Variants in DENND1A observed in about 807,000 individuals in gnomAD.
The protein encoded by DENND1A is DENN domain containing 1A.
A neutral mutation model predicts 113.7 loss-of-function variants in DENND1A; 51 were observed. That is an observed-to-expected ratio of 0.45 (90% CI 0.36 to 0.57). The LOEUF (loss-of-function observed/expected upper bound fraction) is 0.57, where lower values mean the gene tolerates loss of function less well. Ranked by LOEUF, DENND1A falls within the 20% of genes least tolerant of loss-of-function variation. DENND1A has a pLI of 0.00. For synonymous variants in DENND1A, 565 were observed against 570.8 expected (o/e 0.99, Z 0.14); for missense variants, 1,258 against 1,395.9 (o/e 0.90, Z 1.57).
At chr9:123,780,807 C>T (rs1468776275) in intron 3 of DENND1A, among the ~76,000 whole-genome samples, 1 of 151,878 alleles carries the variant, frequency 6.6e-6, no homozygotes, top group South Asian at 2.1e-4. Flanking sequence ...TTTCTTGGGG[C>T]GGCTGTGGGT....
intron 4 of DENND1A, among the ~76,000 whole-genome samples, chr9:123,761,770 T>G (rs1228443519): frequency 1.3e-5 from 2 of 152,148 alleles, no homozygotes; most frequent in Admixed American, 1.3e-4. Flanking sequence ...GAGGTTAACT[T>G]AAAAGGGTTC....
chr9:123,531,576 C>T (rs970718996), intron 13 of DENND1A, among the ~76,000 whole-genome samples: 19 of 145,714 alleles, frequency 1.3e-4, no homozygotes, highest in Non-Finnish European at 2.8e-4. Context: ...CACACACACA[C>T]ACACACACAC....
chr9:123,714,708 C>G (rs554066421), intron 5 of DENND1A, among the ~76,000 whole-genome samples: 2 of 152,278 alleles, frequency 1.3e-5, no homozygotes, highest in African/African-American at 2.4e-5. Context: ...CATACATTCA[C>G]GTGCCTTTAA....
At chr9:123,923,647 C>T (rs1040107673) in intron 1 of DENND1A, among the ~76,000 whole-genome samples, 6 of 152,192 alleles carry the variant, frequency 3.9e-5, no homozygotes, top group Admixed American at 1.3e-4. Context: ...GAAATGAGAT[C>T]GGTTTATCCT....
intron 9 of DENND1A, among the ~76,000 whole-genome samples, chr9:123,641,976 T>C (rs2062053183): frequency 6.6e-6 from 1 of 152,206 alleles, no homozygotes; most frequent in South Asian, 2.1e-4. Context: ...ATCTGAATCC[T>C]GTGCCTCATC....
intron 2 of DENND1A, among the ~76,000 whole-genome samples, chr9:123,804,805 C>A (rs1484031513): frequency 3.3e-5 from 5 of 152,220 alleles, no homozygotes; most frequent in Non-Finnish European, 1.5e-5. Flanking sequence ...AAGCCACCAT[C>A]ATTTTCCACC....
At chr9:123,546,312 G>A (rs928601854) in intron 13 of DENND1A, among the ~76,000 whole-genome samples, 1 of 152,108 alleles carries the variant, frequency 6.6e-6, no homozygotes, top group Admixed American at 6.5e-5. Context: ...ACTTTGGGAG[G>A]CCAAGGTGGG....
At chr9:123,770,942 T>C (rs972581372) in intron 3 of DENND1A, among the ~76,000 whole-genome samples, 2 of 152,236 alleles carry the variant, frequency 1.3e-5, no homozygotes, top group Non-Finnish European at 2.9e-5. Context: ...ATTGACTTGC[T>C]CTGCCAGAGC....
intron 10 of DENND1A, among the ~76,000 whole-genome samples, chr9:123,614,850 CA>C (rs2060574634): frequency 1.3e-5 from 2 of 152,350 alleles, no homozygotes; most frequent in East Asian, 1.9e-4. Flanking sequence ...GGGGATCCCA[CA>C]GTCAGAAAGA....
At chr9:123,421,144 G>C (rs1353571754) in intron 19 of DENND1A, among the ~76,000 whole-genome samples, 1 of 149,066 alleles carries the variant, frequency 6.7e-6, no homozygotes, top group Non-Finnish European at 1.5e-5. Context: ...AGGTTAGAGG[G>C]GCTTCCAGAT....
chr9:123,407,118 A>C (rs1394276537), intron 20 of DENND1A, among the ~76,000 whole-genome samples: 1 of 126,840 alleles, frequency 7.9e-6, no homozygotes, highest in Non-Finnish European at 1.6e-5. Flanking sequence ...TCGGTGGAGG[A>C]GACTGCTTCA....
At chr9:123,546,380 C>G (rs754333828) in intron 13 of DENND1A, among the ~76,000 whole-genome samples, 1 of 149,996 alleles carries the variant, frequency 6.7e-6, no homozygotes, top group Non-Finnish European at 1.5e-5. Context: ...AACCCCGTCT[C>G]TACTAAAAAT....
In DENND1A at chr9:123,381,572, G is replaced by C; in HGVS notation, c.3073C>G (p.Pro1025Ala). The stretch of plus-strand genomic sequence containing the variant: ...TCTCTGGCCTGTTGAGGAGCAGAGG[G>C]CTGCAGTGTTGGCTCCAGGCCTTGA... Reference protein sequence around the residue: ...PPQGLEPTLQPSAPQQARDPF... With the variant: ...PPQGLEPTLQASAPQQARDPF... The change falls in exon 24 of 24, where the codon CCC becomes GCC. Residue 1025 changes from proline (P) to alanine (A), a missense_variant. Pro to Ala is a conservative substitution (Grantham distance 27). Around this residue, in one of 2 missense-constraint regions of DENND1A, gnomAD observed 1,159 missense variants for 1,231.7 expected, o/e 0.94. Coordinates refer to ENST00000394215, the MANE Select transcript of DENND1A (RefSeq NM_001352964.2). This position sits in a 1 kb window ranked among gnomAD's most constrained non-coding sequence, Gnocchi z 4.7. The C allele has an allele frequency of 1.2e-6, 2 of 1,613,716 alleles. No homozygotes were observed. The highest frequency in any genetic ancestry group is 1.1e-5 in the South Asian group (1 of 91,090).
At chr9:123,838,486 G>A (rs1024536754) in intron 2 of DENND1A, among the ~76,000 whole-genome samples, 1 of 152,076 alleles carries the variant, frequency 6.6e-6, no homozygotes, top group Non-Finnish European at 1.5e-5. Flanking sequence ...GATGATACTT[G>A]AGGAGCAATT....
At chr9:123,854,225 A>G (rs1843802366) in intron 2 of DENND1A, among the ~76,000 whole-genome samples, 1 of 152,202 alleles carries the variant, frequency 6.6e-6, no homozygotes, top group Non-Finnish European at 1.5e-5. Flanking sequence ...CACAAATGGC[A>G]ACATTCATCC....
At chr9:123,848,228 T>TAAAA (rs375535777) in intron 2 of DENND1A, among the ~76,000 whole-genome samples, 20 of 60,516 alleles carry the variant, frequency 3.3e-4, no homozygotes, top group South Asian at 6.5e-4. Context: ...GATACTGCTT[T>TAAAA]AAAAAAAAAA....
At chr9:123,529,510 CGAGAA>C (rs1056280684) in intron 13 of DENND1A, among the ~76,000 whole-genome samples, 7 of 151,886 alleles carry the variant, frequency 4.6e-5, no homozygotes, top group African/African-American at 1.2e-4. Flanking sequence ...ATTCTGCTAC[CGAGAA>C]GAGACAAGTG....
At chr9:123,560,739 G>C (rs533064186) in intron 12 of DENND1A, among the ~76,000 whole-genome samples, 7 of 151,934 alleles carry the variant, frequency 4.6e-5, no homozygotes, top group East Asian at 1.9e-4. Context: ...ATACACTGAG[G>C]GGGTAGTTAT....
intron 13 of DENND1A, among the ~76,000 whole-genome samples, chr9:123,467,556 G>C (rs1189458677): frequency 6.6e-6 from 1 of 152,208 alleles, no homozygotes; most frequent in Admixed American, 6.5e-5. Context: ...TCAGGAGGCT[G>C]AGGCAGGAGA....
Sources: gnomAD v4.1 joint callset for allele counts (sites outside exome capture counted in the v4.1 genomes callset) on GRCh38, gnomAD v4.1.1 for gene constraint, gnomAD v4.1.1 regional missense constraint, Gnocchi (gnomAD v3.1) non-coding constraint, MANE v1.5 for transcripts, NCBI Gene and HGNC (gene_info 2026-07-23, HGNC 2026-07-21) for gene names.